Variants in HEPH observed in about 807,000 individuals in gnomAD.
HEPH encodes hephaestin.
In HEPH, 69 loss-of-function variants were observed where a neutral mutation model predicts 80.8. That is an observed-to-expected ratio of 0.85 (90% CI 0.70 to 1.04). The LOEUF is 1.04. Ranked by LOEUF, HEPH falls within the 50% of genes least tolerant of loss-of-function variation. The pLI is 0.00. For synonymous variants in HEPH, 431 were observed against 322.8 expected, an observed-to-expected ratio of 1.34 and a Z score of -3.60; for missense variants, 1,115 against 891.3, an observed-to-expected ratio of 1.25 and a Z score of -3.20.
At chrX:66,235,345 C>G (rs985339632) in intron 15 of HEPH, among the ~76,000 whole-genome samples, 1 of 111,965 alleles carries the variant, frequency 8.9e-6, no homozygotes, top group African/African-American at 3.2e-5. Context: ...ACATTTAAGT[C>G]TTTAATCCAT....
chrX:66,221,726 C>G (rs1052046142), intron 15 of HEPH, among the ~76,000 whole-genome samples: 2 of 112,819 alleles, frequency 1.8e-5, no homozygotes, highest in Non-Finnish European at 3.7e-5. Context: ...ATGAGTTTTT[C>G]TTTTAACTCG....
intron 4 of HEPH, among the ~76,000 whole-genome samples, chrX:66,180,690 GA>G (rs1429153856): frequency 6.7e-4 from 14 of 20,873 alleles, no homozygotes; most frequent in Non-Finnish European, 8.1e-4. Context: ...ACAGCTGTGT[GA>G]ATTTTTTTTT....
chrX:66,222,308 T>G (rs1300501697), intron 15 of HEPH, among the ~76,000 whole-genome samples: 1 of 112,388 alleles, frequency 8.9e-6, no homozygotes, highest in African/African-American at 3.2e-5. Flanking sequence ...CTCCAGGCTG[T>G]AGAATCCTGG....
intron 15 of HEPH, among the ~76,000 whole-genome samples, chrX:66,231,603 T>A (rs376881008): frequency 9.1e-6 from 1 of 109,375 alleles, no homozygotes; most frequent in East Asian, 2.9e-4. Flanking sequence ...TATAAGAATG[T>A]TTGTGATTTT....
intron 15 of HEPH, among the ~76,000 whole-genome samples, chrX:66,240,000 C>G (rs913659100): frequency 9.0e-6 from 1 of 111,352 alleles, no homozygotes; most frequent in African/African-American, 3.3e-5. Flanking sequence ...TCCTGAGAAA[C>G]AAACACATCA....
chrX:66,181,939 C>G (rs1235576642), intron 4 of HEPH, among the ~76,000 whole-genome samples: 1 of 110,357 alleles, frequency 9.1e-6, no homozygotes, highest in East Asian at 2.9e-4. Context: ...TTTCACAGCA[C>G]CATTTATTAA....
chrX:66,195,404 A>C (rs1200944273), intron 9 of HEPH, among the ~76,000 whole-genome samples, 175 bp downstream of exon 9: 3 of 111,707 alleles, frequency 2.7e-5, no homozygotes, highest in Non-Finnish European at 5.6e-5. Flanking sequence ...CAATAATAAG[A>C]GAAAATTTCT....
intron 15 of HEPH, among the ~76,000 whole-genome samples, chrX:66,245,079 C>G (rs761536110): frequency 9.0e-6 from 1 of 111,237 alleles, no homozygotes; most frequent in Admixed American, 9.6e-5. Context: ...AACTAATGAG[C>G]AAAATAACCA....
In HEPH at chrX:66,197,751, C is replaced by A. The variant is rs760810368; in HGVS notation, c.1570C>A (p.His524Asn). The A allele has an allele frequency of 7.9e-5, 96 of 1,210,162 alleles. No individual in the cohort carries two copies. The South Asian group carries it at 1.6e-3, about 20-fold the overall frequency. The change falls in exon 10 of 21, where the codon CAT (histidine) becomes AAT (asparagine). Residue 524 changes from histidine (H) to asparagine (N), a missense_variant. Coordinates refer to ENST00000343002, the MANE Select transcript of HEPH (RefSeq NM_001367233.3). Reference protein sequence around the residue: ...KVTYRWTVPPHAGPTAQDPAC... With the variant: ...KVTYRWTVPPNAGPTAQDPAC... ...AACATACCGCTGGACAGTCCCCCCT[C>A]ATGCCGGTCCCACTGCTCAGGATCC...
rs193150340 is a variant in HEPH, at chrX:66,191,231, T to G, written c.1064-899T>G. ...TTATTTAACCTGTCTGACCTTTAGT[T>G]TTCTTCATCCGCAAAAGGGGACATT... On this transcript the variant is annotated intron_variant, in intron 6 of 20. Coordinates refer to ENST00000343002, the MANE Select transcript of HEPH (RefSeq NM_001367233.3). 3.9e-4 allele frequency among the ~76,000 whole-genome samples: 44 copies of G among 111,888 alleles called. No homozygotes were observed. The East Asian group carries it at 0.011, about 28-fold the overall frequency.
At chrX:66,242,347 A>G (rs1266337249) in intron 15 of HEPH, among the ~76,000 whole-genome samples, 1 of 111,808 alleles carries the variant, frequency 8.9e-6, no homozygotes. Flanking sequence ...CCCTTTCTTT[A>G]ATCATATACA....
At chrX:66,222,614 C>G (rs987869073) in intron 15 of HEPH, among the ~76,000 whole-genome samples, 1 of 111,846 alleles carries the variant, frequency 8.9e-6, no homozygotes, top group Non-Finnish European at 1.9e-5. Flanking sequence ...TAGTGGTCCA[C>G]AGAATGTTGG....
chrX:66,257,489 G>T (rs1375317044), intron 17 of HEPH, among the ~76,000 whole-genome samples: 2 of 112,086 alleles, frequency 1.8e-5, no homozygotes, highest in Non-Finnish European at 3.8e-5. Flanking sequence ...GATCAAATGT[G>T]AACCTTAATA....
upstream of HEPH, among the ~76,000 whole-genome samples, chrX:66,163,679 GT>G (rs2086254335): frequency 9.0e-6 from 1 of 111,244 alleles, no homozygotes; most frequent in South Asian, 3.8e-4. Context: ...ATGGTTAAAA[GT>G]TTAGACAGAC....
chrX:66,188,387 A>T lies in HEPH; in HGVS notation c.654A>T (p.Gln218His), dbSNP rs2087600622. The T allele has an allele frequency of 2.5e-6, 3 of 1,194,894 alleles. No homozygotes were observed. Among genetic ancestry groups the T allele is most frequent in the Admixed American group, 4.6e-5 (2 of 43,428 alleles). ...CCCTGGATGGGAACTCCCCTCCTCA[A>T]CGCCAGGATGTAGACCATGATTTCT... ...RGALDGNSPP[Q>H]RQDVDHDFFL... is the part of the protein sequence containing the mutation. Residue 218 changes from glutamine to histidine, a missense_variant, in exon 5 of 21, where the codon CAA (glutamine) becomes CAT (histidine). Gln to His is a conservative substitution (Grantham distance 24). Around this residue, in one of 3 missense-constraint regions of HEPH, gnomAD observed 391 missense variants for 343.6 expected, o/e 1.14. Coordinates refer to ENST00000343002, the MANE Select transcript of HEPH (RefSeq NM_001367233.3).
intron 13 of HEPH, 102 bp downstream of exon 13, chrX:66,203,679 A>G: frequency 1.5e-6 from 1 of 674,273 alleles, no homozygotes; most frequent in Non-Finnish European, 2.2e-6. Flanking sequence ...AGGTCTCCTA[A>G]TGTGATACCA....
chrX:66,199,270 A>G (rs1427333639), intron 11 of HEPH, among the ~76,000 whole-genome samples: 1 of 111,416 alleles, frequency 9.0e-6, no homozygotes, highest in Admixed American at 9.5e-5. Context: ...GAGGGTGTGC[A>G]CAAGAAATCT....
rs2088592028 is a variant in HEPH, at chrX:66,203,570, A to G, written c.2284A>G (p.Lys762Glu). ...WEREWHNQSE[K>E]DSYGYIFLSN... Reference sequence around the variant, plus strand: ...ACGGGAATGGCACAACCAGTCTGAGAAGGACAGGTAAGGCTTCATAAATGG... The same window carrying G: ...ACGGGAATGGCACAACCAGTCTGAGGAGGACAGGTAAGGCTTCATAAATGG... Residue 762 changes from lysine to glutamate, a missense_variant, in exon 13 of 21, where the codon AAG (lysine) becomes GAG (glutamate). Transcript: ENST00000343002. The G allele has an allele frequency of 8.3e-7, 1 of 1,202,786 alleles. No individual in the cohort carries two copies. The highest frequency in any genetic ancestry group is 1.8e-5 in the African/African-American group (1 of 57,141).
At chrX:66,162,919 T>A, upstream of HEPH, 1 of 1,102,188 alleles carries the variant, frequency 9.1e-7, no homozygotes, top group African/African-American at 1.9e-5. Flanking sequence ...ACCTGTCCCC[T>A]TCCTATACCT....
Sources: allele counts gnomAD v4.1 joint callset (sites outside exome capture counted in the v4.1 genomes callset), GRCh38; gene constraint gnomAD v4.1.1; regional missense constraint gnomAD v4.1.1; transcripts MANE v1.5; gene names NCBI Gene and HGNC (gene_info 2026-07-23, HGNC 2026-07-21).